SRGAP1: variants seen among roughly 807,000 people sequenced by gnomAD.
SRGAP1 encodes SLIT-ROBO Rho GTPase-activating protein 1.
Under a neutral mutation model 121.9 loss-of-function variants are expected in SRGAP1, and 43 were observed. That is an observed-to-expected ratio of 0.35 (90% confidence interval 0.28 to 0.46). SRGAP1 has a LOEUF of 0.46. SRGAP1 is among the 20% of genes least tolerant of loss of function. The pLI is 1.00. For synonymous variants in SRGAP1, 447 were observed against 485.4 expected, an observed-to-expected ratio of 0.92 and a Z score of 1.04; for missense variants, 1,102 against 1,350.9, an observed-to-expected ratio of 0.82 and a Z score of 2.89.
chr12:64,137,961 A>AAAAAAAAATAT (rs372355390), intron 21 of SRGAP1, among the ~76,000 whole-genome samples: 6 of 139,684 alleles, frequency 4.3e-5, no homozygotes, highest in African/African-American at 1.6e-4. Context: ...TTAAAAAAAA[A>AAAAAAAAATAT]ATATATATAT....
intron 1 of SRGAP1, among the ~76,000 whole-genome samples, chr12:63,897,248 G>T (rs1276763956): frequency 6.6e-6 from 1 of 152,184 alleles, no homozygotes; most frequent in African/African-American, 2.4e-5. Context: ...TGTGCTATTT[G>T]ATGTGGTTTA....
chr12:64,142,418 C>T lies in SRGAP1; in HGVS notation c.3004C>T (p.Pro1002Ser). 1.2e-6 allele frequency: 2 copies of T among 1,614,144 alleles called. No homozygotes were observed. Among genetic ancestry groups the T allele is most frequent in the African/African-American group, 2.7e-5 (2 of 75,030 alleles). ...GGAGCAAGTGAAAAACTCTCCCACC[C>T]CTGCCACTTCCACGGAATCTCTCAG... is the stretch of plus-strand genomic sequence containing the variant. ...TLEQVKNSPT[P>S]ATSTESLSPL... The change falls in exon 22 of 22, where the codon CCT (proline) becomes TCT (serine). Residue 1002 changes from proline to serine, a missense_variant. Pro to Ser is a moderately conservative substitution (Grantham distance 74, BLOSUM62 -1). This residue lies in a region of SRGAP1 where 315 missense variants were observed against 343.1 expected (regional missense o/e 0.92). Transcript: ENST00000355086.
Position 64,065,127 on chromosome 12 carries a change from G to A in SRGAP1, c.1033G>A (p.Val345Ile). 6.2e-7 allele frequency: 1 copy of A among 1,613,000 alleles called. No individual in the cohort carries two copies. The highest frequency in any genetic ancestry group is 8.5e-7 in the Non-Finnish European group (1 of 1,179,690). Residue 345 changes from valine (V) to isoleucine (I), a missense_variant, in exon 8 of 22, where the codon GTC becomes ATC. Physicochemically the swap from Val to Ile is conservative, Grantham distance 29. Around this residue, in one of 3 missense-constraint regions of SRGAP1, gnomAD observed 747 missense variants for 929.4 expected, o/e 0.80. Coordinates refer to ENST00000355086, the MANE Select transcript of SRGAP1 (RefSeq NM_020762.4). ...TCTCATTCTCCATCAGGTGTGCCAG[G>A]TCAGTGCCCAGCAGCCAGTCCAGGC... Reference protein sequence around the residue: ...QSHMGDEVCQVSAQQPVQAEL... With the variant: ...QSHMGDEVCQISAQQPVQAEL...
Position 64,154,571 on chromosome 12 carries a change from A to G in SRGAP1, c.*11899A>G, listed in dbSNP as rs1248765830. 6.6e-6 allele frequency: 1 copy of G among 152,206 alleles called. No individual in the cohort carries two copies. The highest frequency in any genetic ancestry group is 2.4e-5 in the African/African-American group (1 of 41,446). 9.4% of individuals were successfully genotyped at this position (152,206 alleles called of 1,614,324 possible). On this transcript the variant is annotated 3_prime_UTR_variant, in exon 22 of 22. Coordinates refer to ENST00000355086, the MANE Select transcript of SRGAP1 (RefSeq NM_020762.4). ...TGGCTCCTAGTATTTGTTTGAGCAA[A>G]TGGGTGGAATATATTGATATATACT...
At chr12:63,892,190 T>C (rs1018759450) in intron 1 of SRGAP1, among the ~76,000 whole-genome samples, 1 of 152,176 alleles carries the variant, frequency 6.6e-6, no homozygotes, top group Non-Finnish European at 1.5e-5. Flanking sequence ...CATTCCCTCC[T>C]TCCCTACCTC....
intron 1 of SRGAP1, among the ~76,000 whole-genome samples, chr12:63,973,618 TA>T (rs1330543724): frequency 6.6e-6 from 1 of 152,234 alleles, no homozygotes; most frequent in Non-Finnish European, 1.5e-5. Context: ...CTTAAAAGTC[TA>T]AACTTTTCTA....
intron 1 of SRGAP1, among the ~76,000 whole-genome samples, chr12:63,978,067 T>G (rs558009716): frequency 2.0e-4 from 30 of 152,330 alleles, no homozygotes; most frequent in African/African-American, 5.8e-4. Context: ...TGTCCCCATG[T>G]TGGACATTTG....
intron 1 of SRGAP1, among the ~76,000 whole-genome samples, chr12:63,913,498 CAT>C (rs1477104381): frequency 1.3e-4 from 15 of 118,926 alleles, no homozygotes; most frequent in East Asian, 5.6e-4. Flanking sequence ...TATAAATACA[CAT>C]ATATGTGTAT....
chr12:63,916,382 G>A (rs2030780188), intron 1 of SRGAP1, among the ~76,000 whole-genome samples: 1 of 152,168 alleles, frequency 6.6e-6, no homozygotes, highest in African/African-American at 2.4e-5. Context: ...ACCAGTTTGA[G>A]ACACCTTTAG....
In SRGAP1 at chr12:64,151,218, ATTATG is replaced by A. The variant is rs552630270; in HGVS notation, c.*8551_*8555del. ...TAGTATATTGTCTTCTAATCCTTAC[ATTATG>A]TTATTTTTAAGCAGAGTCAAACTCA... On this transcript the variant is annotated 3_prime_UTR_variant, in exon 22 of 22. Transcript: ENST00000355086. 1 of 152,094 alleles carries A rather than the reference ATTATG, an allele frequency of 6.6e-6. No individual in the cohort carries two copies. The highest frequency in any genetic ancestry group is 1.5e-5 in the Non-Finnish European group (1 of 68,022). 9.4% of individuals were successfully genotyped at this position (152,094 alleles called of 1,614,324 possible).
intron 3 of SRGAP1, among the ~76,000 whole-genome samples, chr12:63,996,053 GCAT>G (rs1391495257): frequency 6.6e-6 from 1 of 150,558 alleles, no homozygotes; most frequent in Non-Finnish European, 1.5e-5. Context: ...TAAGTTAAAA[GCAT>G]CTGAAAACTA....
At chr12:63,983,794 T>TAAAAAAAAAAA (rs1467345374) in intron 1 of SRGAP1, 153 bp from the exon 2 acceptor site, 1 of 105,746 alleles carries the variant, frequency 9.5e-6, no homozygotes, top group African/African-American at 4.2e-5. Context: ...TAAATACATT[T>TAAAAAAAAAAA]AAAATATATA....
intron 12 of SRGAP1, among the ~76,000 whole-genome samples, chr12:64,093,614 A>C (rs1037967977): frequency 6.6e-6 from 1 of 152,152 alleles, no homozygotes; most frequent in Non-Finnish European, 1.5e-5. Context: ...AAATCCTTTC[A>C]CATATTCAGT....
intron 1 of SRGAP1, among the ~76,000 whole-genome samples, chr12:63,850,984 C>T (rs990493106): frequency 7.2e-5 from 11 of 151,822 alleles, no homozygotes; most frequent in African/African-American, 1.9e-4. Flanking sequence ...GGTGAAATCT[C>T]GTCTCTACTA....
intron 1 of SRGAP1, among the ~76,000 whole-genome samples, chr12:63,885,756 C>A (rs936741531): frequency 6.6e-6 from 1 of 152,186 alleles, no homozygotes; most frequent in African/African-American, 2.4e-5. Context: ...GGGTCTGCTC[C>A]TGATGCCTGA....
chr12:64,119,309 T>C (rs2036568656), intron 18 of SRGAP1, among the ~76,000 whole-genome samples: 1 of 152,200 alleles, frequency 6.6e-6, no homozygotes, highest in Non-Finnish European at 1.5e-5. Context: ...ATCTTAATCG[T>C]TCATAAAGCA....
At chr12:64,052,567 C>A (rs1263690817) in intron 6 of SRGAP1, among the ~76,000 whole-genome samples, 106 of 149,876 alleles carry the variant, frequency 7.1e-4, no homozygotes, top group African/African-American at 2.0e-3. Context: ...AAAAAAAAAA[C>A]AAAATAAACG....
chr12:64,082,001 CTTTTTTT>C lies in SRGAP1; in HGVS notation c.1408+1646_1408+1652del. ...TTTCCCTCACAGTGTCATGTAAGGT[CTTTTTTT>C]TTTTTTTTTTTTTTCAATTTTTCAC... On this transcript the variant is annotated intron_variant, in intron 10 of 21. Coordinates refer to ENST00000355086, the MANE Select transcript of SRGAP1 (RefSeq NM_020762.4). 3.2e-4 allele frequency: 21 copies of C among 66,138 alleles called. 1 individual carries two copies. In the East Asian group the frequency reaches 9.7e-3, roughly 30 times the overall value. The allele number at this position is 66,138 out of a possible 1,614,324, so 4.1% of individuals were successfully genotyped here.
Position 63,988,747 on chromosome 12 carries a change from A to G in SRGAP1, c.264-1163A>G, listed in dbSNP as rs184712386. Among the ~76,000 whole-genome samples the G allele has an allele frequency of 3.3e-5, 5 of 152,338 alleles. No homozygotes were observed. The East Asian group carries it at 5.8e-4, about 18-fold the overall frequency. On this transcript the variant is annotated intron_variant, in intron 2 of 21. Transcript: ENST00000355086. ...AGGGTGCTTTTGTTCCTGCATTAGC[A>G]TAAGGATTCTCTGCTATTTTGCCAT... is the stretch of plus-strand genomic sequence containing the variant.
Sources: allele counts gnomAD v4.1 joint callset (sites outside exome capture counted in the v4.1 genomes callset), GRCh38; gene constraint gnomAD v4.1.1; regional missense constraint gnomAD v4.1.1; transcripts MANE v1.5; gene names NCBI Gene and HGNC (gene_info 2026-07-23, HGNC 2026-07-21).